The following UGT2A1 variants were observed in gnomAD, a reference collection of about 807,000 sequenced individuals.
UGT2A1 encodes the protein UDP glucuronosyltransferase family 2 member A1 complex locus.
UGT2A1 carries 61 observed loss-of-function variants against 45.4 expected under a neutral mutation model. That is an observed-to-expected ratio of 1.34 (90% CI 1.09 to 1.66). The LOEUF is 1.66. Among genes scored for constraint, UGT2A1 ranks in the 40% most tolerant of loss-of-function variants. The probability of loss-of-function intolerance (pLI) is 0.00; values close to 1 mark genes in which losing one functional copy is unlikely to be tolerated. For missense variants in UGT2A1, 649 were observed against 574.3 expected, an observed-to-expected ratio of 1.13 and a Z score of -1.33; for synonymous variants, 229 against 196.2, an observed-to-expected ratio of 1.17 and a Z score of -1.40.
At chr4:69,601,075 G>A (rs893129457) in intron 3 of UGT2A1, among the ~76,000 whole-genome samples, 5 of 152,158 alleles carry the variant, frequency 3.3e-5, no homozygotes, top group African/African-American at 4.8e-5. Flanking sequence ...CCTGATGCTA[G>A]TGGAATACTG....
chr4:69,596,281 A>G (rs779696171), intron 4 of UGT2A1: 10 of 1,606,706 alleles, frequency 6.2e-6, no homozygotes, highest in South Asian at 5.5e-5. Flanking sequence ...GGCTGAGGCA[A>G]TAAGATTGGC....
intron 1 of UGT2A1, among the ~76,000 whole-genome samples, chr4:69,652,607 C>T (rs1052372192): frequency 2.6e-5 from 4 of 151,734 alleles, no homozygotes; most frequent in African/African-American, 9.7e-5. Flanking sequence ...ATTGATTTTG[C>T]ATAAAACTTA....
chr4:69,618,207 G>GTGTATGTT (rs1553905696), intron 3 of UGT2A1, among the ~76,000 whole-genome samples: 867 of 72,752 alleles, frequency 0.012, 5 homozygotes, highest in South Asian at 0.033. Context: ...GTGTGTGTGT[G>GTGTATGTT]TGTGTGTGTA....
chr4:69,609,052 G>T (rs1897441), intron 3 of UGT2A1, among the ~76,000 whole-genome samples: 1 of 151,558 alleles, frequency 6.6e-6, no homozygotes, highest in African/African-American at 2.4e-5. Flanking sequence ...TAAAATCTAC[G>T]ATTCATTATC....
chr4:69,596,345 C>A, intron 4 of UGT2A1: 1 of 1,604,412 alleles, frequency 6.2e-7, no homozygotes. Flanking sequence ...ACCACAACAC[C>A]ATTTTTACCT....
intron 3 of UGT2A1, among the ~76,000 whole-genome samples, chr4:69,607,824 C>T (rs7670238): frequency 0.25 from 38,410 of 151,740 alleles, 5,253 homozygotes; most frequent in African/African-American, 0.36. Context: ...AAAAAATGCT[C>T]ATCATCACTG....
At chr4:69,639,437 T>A (rs774613696) in intron 2 of UGT2A1, 11 of 1,613,248 alleles carry the variant, frequency 6.8e-6, no homozygotes, top group Non-Finnish European at 9.3e-6. Flanking sequence ...AGTTGATGAA[T>A]AGAGTTGCTG....
At chr4:69,649,190 C>T (rs755221685) in intron 1 of UGT2A1, among the ~76,000 whole-genome samples, 7 of 152,078 alleles carry the variant, frequency 4.6e-5, no homozygotes, top group Admixed American at 6.6e-5. Context: ...TCTCCCATCA[C>T]CAAAGATAAT....
intron 3 of UGT2A1, among the ~76,000 whole-genome samples, chr4:69,626,204 A>G (rs324310): frequency 1.3e-5 from 2 of 151,098 alleles, no homozygotes; most frequent in East Asian, 3.9e-4. Flanking sequence ...GTAGAGAGAT[A>G]TTTGTAATTT....
rs530452082 is a variant in UGT2A1, at chr4:69,606,047, G to A, written c.848-6653C>T. ...GAAACTATTCCAAGCAATAGAAAAAGAGGGAATCCTCCTTAAATCATTTTA... is the reference window on the plus strand; with the variant it reads ...GAAACTATTCCAAGCAATAGAAAAAAAGGGAATCCTCCTTAAATCATTTTA... On this transcript the variant is annotated intron_variant, in intron 3 of 6. Transcript: ENST00000286604. Among the ~76,000 whole-genome samples, 3 of 136,922 alleles carry A rather than the reference G, an allele frequency of 2.2e-5. 1 individual carries two copies. The highest frequency in any genetic ancestry group is 4.7e-5 in the Non-Finnish European group (3 of 64,370). The allele number at this position is 136,922 out of a possible 152,430, so 89.8% of individuals were successfully genotyped here.
chr4:69,614,760 T>C (rs1720273690), intron 3 of UGT2A1, among the ~76,000 whole-genome samples: 1 of 152,170 alleles, frequency 6.6e-6, no homozygotes, highest in South Asian at 2.1e-4. Flanking sequence ...TAGGTATCTA[T>C]ATGTAGAACA....
At position 69,588,580 on chromosome 4, in the gene UGT2A1, A is replaced by G. The variant is rs946125683; in HGVS notation, c.*792T>C. 8 of 152,066 alleles carry G rather than the reference A, an allele frequency of 5.3e-5. No homozygotes were observed. Among genetic ancestry groups the G allele is most frequent in the Non-Finnish European group, 1.2e-4 (8 of 67,994 alleles). 9.4% of individuals were successfully genotyped at this position (152,066 alleles called of 1,614,324 possible). ...TAAAAATTTTATAAAAATGATAATT[A>G]TTTTCTAGATTTCTAATTGTTATAT... is the stretch of plus-strand genomic sequence containing the variant. On this transcript the variant is annotated 3_prime_UTR_variant, in exon 7 of 7. Transcript: ENST00000286604.
chr4:69,638,355 C>T (rs1203331388), intron 2 of UGT2A1, among the ~76,000 whole-genome samples: 1 of 152,080 alleles, frequency 6.6e-6, no homozygotes, highest in East Asian at 1.9e-4. Context: ...TGCAAGGAAA[C>T]ATGAGGCTGG....
At chr4:69,619,524 G>A (rs539691814) in intron 3 of UGT2A1, among the ~76,000 whole-genome samples, 2 of 151,912 alleles carry the variant, frequency 1.3e-5, no homozygotes, top group South Asian at 2.1e-4. Flanking sequence ...TAACGTTAAA[G>A]AAGACTCTAA....
chr4:69,594,199 C>T (rs1267210077), intron 6 of UGT2A1, among the ~76,000 whole-genome samples: 5 of 152,006 alleles, frequency 3.3e-5, no homozygotes, highest in Admixed American at 3.3e-4. Context: ...TGGTCTCGAT[C>T]TCCGGACCTT....
chr4:69,629,309 C>T (rs1560487708), intron 3 of UGT2A1, among the ~76,000 whole-genome samples: 1 of 151,962 alleles, frequency 6.6e-6, no homozygotes, highest in Non-Finnish European at 1.5e-5. Flanking sequence ...CTTTGCAGGT[C>T]TGGATTTCTC....
intron 3 of UGT2A1, among the ~76,000 whole-genome samples, chr4:69,630,375 C>T (rs1721315684): frequency 6.6e-6 from 1 of 152,030 alleles, no homozygotes; most frequent in Non-Finnish European, 1.5e-5. Context: ...CCCACCTCTT[C>T]CCGGTTACAC....
At chr4:69,596,480 G>T in intron 4 of UGT2A1, 1 of 1,347,494 alleles carries the variant, frequency 7.4e-7, no homozygotes, top group East Asian at 2.8e-5. Flanking sequence ...ATATATGTCA[G>T]AGAAACTGTT....
At chr4:69,644,008 T>C (rs963046527) in intron 2 of UGT2A1, among the ~76,000 whole-genome samples, 3 of 151,640 alleles carry the variant, frequency 2.0e-5, no homozygotes, top group African/African-American at 7.2e-5. Context: ...ACTGTTCATG[T>C]TCCTGGCATC....
Sources: gnomAD v4.1 joint callset for allele counts (sites outside exome capture counted in the v4.1 genomes callset) on GRCh38, gnomAD v4.1.1 for gene constraint, MANE v1.5 for transcripts, NCBI Gene and HGNC (gene_info 2026-07-23, HGNC 2026-07-21) for gene names.